The following EHBP1L1 variants were observed in gnomAD, a reference collection of about 807,000 sequenced individuals.
EHBP1L1 encodes the protein EH domain binding protein 1 like 1.
A neutral mutation model predicts 151.1 loss-of-function variants in EHBP1L1; 122 were observed. The observed-to-expected ratio is 0.81, with a 90% CI of 0.70 to 0.94. The LOEUF (loss-of-function observed/expected upper bound fraction) is 0.94. Ranked by LOEUF, EHBP1L1 falls within the 40% of genes least tolerant of loss-of-function variation. The pLI is 0.00. For missense variants in EHBP1L1, 1,941 were observed against 1,959.8 expected (o/e 0.99, Z 0.18); for synonymous variants, 878 against 810.1 (o/e 1.08, Z -1.42).
chr11:65,584,236 C>T lies in EHBP1L1; in HGVS notation c.3094-5C>T. ...CATTCCCTAAGCCCACCCCTGTGTC[C>T]TCAGGCACCACCTGCCCTGGTCAGC... On this transcript the variant is annotated splice_region_variant and splice_polypyrimidine_tract_variant and intron_variant, in intron 9 of 18. Transcript: ENST00000309295. The T allele has an allele frequency of 6.2e-7, 1 of 1,606,316 alleles. No individual in the cohort carries two copies. The highest frequency in any genetic ancestry group is 8.5e-7 in the Non-Finnish European group (1 of 1,177,622).
At chr11:65,581,166 C>T (rs371428479) in intron 7 of EHBP1L1, 40 bp downstream of exon 7, 2 of 1,611,718 alleles carry the variant, frequency 1.2e-6, no homozygotes, top group Non-Finnish European at 1.7e-6. Flanking sequence ...GACTGGACCC[C>T]AGGTCACTGG....
rs373275794 is a variant in EHBP1L1 at position 65,579,119 on chromosome 11, G to T, written c.146G>T (p.Arg49Leu). The T allele has an allele frequency of 6.3e-7, 1 of 1,595,098 alleles. No individual in the cohort carries two copies. The highest frequency in any genetic ancestry group is 1.1e-5 in the South Asian group (1 of 87,762). The change falls in exon 2 of 19, where the codon CGA (arginine) becomes CTA (leucine). Residue 49 changes from arginine to leucine, a missense_variant. Arg to Leu is a moderately radical substitution (Grantham distance 102). Transcript: ENST00000309295. ...KLVVVWTRRNRRICSKAHSWQ... is the reference protein window; with the variant it reads ...KLVVVWTRRNLRICSKAHSWQ... ...GTGGTGGTATGGACCCGTCGGAACC[G>T]ACGCATCTGCTCCAAGGTGGGGAAG...
In EHBP1L1 at chr11:65,576,156, G is replaced by A. The variant is rs991732938; in HGVS notation, c.-147G>A. On this transcript the variant is annotated 5_prime_UTR_variant, in exon 1 of 19. Coordinates refer to ENST00000309295, the MANE Select transcript of EHBP1L1 (RefSeq NM_001099409.3). Reference sequence around the variant, plus strand: ...TGCGGGCCCCAGCGGCGGCAGCGGAGAGCGCGGTCCCGGGTCGGAGCCTGG... The same window carrying A: ...TGCGGGCCCCAGCGGCGGCAGCGGAAAGCGCGGTCCCGGGTCGGAGCCTGG... The A allele has an allele frequency of 1.5e-5, 8 of 537,006 alleles. No individual in the cohort carries two copies. Among genetic ancestry groups the A allele is most frequent in the Non-Finnish European group, 2.3e-5 (8 of 354,744 alleles). The allele number at this position is 537,006 out of a possible 1,614,324, so 33.3% of individuals were successfully genotyped here.
rs2135294580 is a variant in EHBP1L1, at chr11:65,585,328, G to A, written c.3670G>A (p.Glu1224Lys). 9.2e-7 allele frequency: 1 copy of A among 1,089,534 alleles called. No homozygotes were observed. The highest frequency in any genetic ancestry group is 1.1e-6 in the Non-Finnish European group (1 of 897,104). The allele number at this position is 1,089,534 out of a possible 1,614,324, so 67.5% of individuals were successfully genotyped here. Residue 1224 changes from glutamate to lysine, a missense_variant, in exon 12 of 19, where the codon GAG becomes AAG. Physicochemically the swap from Glu to Lys is moderately conservative, Grantham distance 56. Transcript: ENST00000309295. The surrounding 1 kb of genome is among the most constrained non-coding windows in gnomAD (Gnocchi z 4.0). ...AGRASKDGGA[E>K]APRESRPAEV... is the part of the protein sequence containing the mutation. ...CCGCGCCTCCAAGGACGGCGGGGCCGAGGCCCCCCGAGAGTCGCGACCCGC... is the reference window on the plus strand; with the variant it reads ...CCGCGCCTCCAAGGACGGCGGGGCCAAGGCCCCCCGAGAGTCGCGACCCGC...
chr11:65,591,765 C>G (rs1467827076), intron 16 of EHBP1L1, 35 bp from the exon 17 acceptor site: 1 of 923,212 alleles, frequency 1.1e-6, no homozygotes, highest in Non-Finnish European at 1.7e-6. Flanking sequence ...CCTGAACTGC[C>G]ACCCCCCCGC....
At chr11:65,580,316 C>A in intron 5 of EHBP1L1, 21 bp from the exon 6 acceptor site, 1 of 1,613,608 alleles carries the variant, frequency 6.2e-7, no homozygotes, top group Non-Finnish European at 8.5e-7. Flanking sequence ...TCCACCCTCA[C>A]CTTTAACCTC....
intron 3 of EHBP1L1, 130 bp downstream of exon 3, chr11:65,579,566 G>C: frequency 1.4e-6 from 1 of 718,248 alleles, no homozygotes; most frequent in Non-Finnish European, 2.2e-6. Context: ...AAGAATTAGG[G>C]GGGCCTGCTC....
At position 65,585,078 on chromosome 11, in the gene EHBP1L1, C is replaced by A. The variant is rs1857874082; in HGVS notation, c.3420C>A (p.Phe1140Leu). 3 of 1,540,762 alleles carry A rather than the reference C, an allele frequency of 1.9e-6. No homozygotes were observed. The highest frequency in any genetic ancestry group is 1.4e-5 in the African/African-American group (1 of 72,578). ...CGTACCTGTGCCAGATCCGCGCCTT[C>A]TGCACCGGGCAGGAGCTGCAGCTGG... ...VMTYLCQIRAFCTGQELQLVQ... is the reference protein window; with the variant it reads ...VMTYLCQIRALCTGQELQLVQ... The change falls in exon 12 of 19, where the codon TTC (phenylalanine) becomes TTA (leucine). Residue 1140 changes from phenylalanine to leucine, a missense_variant. Physicochemically the swap from Phe to Leu is conservative, Grantham distance 22 (BLOSUM62 0). Coordinates refer to ENST00000309295, the MANE Select transcript of EHBP1L1 (RefSeq NM_001099409.3). The surrounding 1 kb of genome is among the most constrained non-coding windows in gnomAD (Gnocchi z 4.0).
At chr11:65,586,118 C>G (rs1023117719) in intron 12 of EHBP1L1, among the ~76,000 whole-genome samples, 3 of 152,234 alleles carry the variant, frequency 2.0e-5, no homozygotes, top group African/African-American at 7.2e-5. Context: ...CTCTGGCGTA[C>G]ATCTTTAACC....
intron 12 of EHBP1L1, among the ~76,000 whole-genome samples, chr11:65,588,087 C>T (rs1858067913): frequency 1.3e-5 from 2 of 151,974 alleles, no homozygotes; most frequent in South Asian, 4.1e-4. Context: ...ATGGGGGAGG[C>T]CATGGGAGCA....
chr11:65,577,433 C>T (rs972887736), intron 1 of EHBP1L1, among the ~76,000 whole-genome samples: 2 of 152,222 alleles, frequency 1.3e-5, no homozygotes, highest in Non-Finnish European at 2.9e-5. Flanking sequence ...TGGGGGCTGG[C>T]ACTTGAACTC....
Position 65,585,556 on chromosome 11 carries a change from G to A in EHBP1L1, c.3898G>A (p.Asp1300Asn), listed in dbSNP as rs1179363356. Residue 1300 changes from aspartate to asparagine, a missense_variant, in exon 12 of 19, where the codon GAT becomes AAT. Coordinates refer to ENST00000309295, the MANE Select transcript of EHBP1L1 (RefSeq NM_001099409.3). The surrounding 1 kb of genome is among the most constrained non-coding windows in gnomAD (Gnocchi z 4.0). ...LRNSSSFSMDDPDAGAMGAAA... is the reference protein window; with the variant it reads ...LRNSSSFSMDNPDAGAMGAAA... Reference sequence around the variant, plus strand: ...GAACAGCAGCTCGTTCTCGATGGACGATCCGGACGCGGGAGCCATGGGAGC... The same window carrying A: ...GAACAGCAGCTCGTTCTCGATGGACAATCCGGACGCGGGAGCCATGGGAGC... 4 of 1,582,838 alleles carry A rather than the reference G, an allele frequency of 2.5e-6. No individual in the cohort carries two copies. In the African/African-American group the frequency reaches 4.0e-5, roughly 16 times the overall value.
rs541419920 is a variant in EHBP1L1 at position 65,582,157 on chromosome 11, C to T, written c.1485C>T (p.Leu495=). ...GGCACTCTGGGCAACTTGGTGACCTCGAGGGGGCCAGGGCTGCTGCAGGCC... is the reference window on the plus strand; with the variant it reads ...GGCACTCTGGGCAACTTGGTGACCTTGAGGGGGCCAGGGCTGCTGCAGGCC... ...PAGHSGQLGD[L]EGARAAAGQE... is the part of the protein sequence containing the mutation. The change falls in exon 9 of 19, where the codon CTC becomes CTT. Residue 495 remains leucine, a synonymous_variant. Coordinates refer to ENST00000309295, the MANE Select transcript of EHBP1L1 (RefSeq NM_001099409.3). The T allele has an allele frequency of 1.6e-5, 26 of 1,583,302 alleles. No homozygotes were observed. Among genetic ancestry groups the T allele is most frequent in the Middle Eastern group, 1.7e-4 (1 of 5,872 alleles).
Position 65,589,926 on chromosome 11 carries a change from C to G in EHBP1L1, c.4004-10C>G. On this transcript the variant is annotated splice_polypyrimidine_tract_variant and intron_variant, in intron 13 of 18. Transcript: ENST00000309295. ...GTTAGGGGGTGCCTTATCATCATCTCTGTCTGCAGGTGGGAGTTCCCCCTC... is the reference window on the plus strand; with the variant it reads ...GTTAGGGGGTGCCTTATCATCATCTGTGTCTGCAGGTGGGAGTTCCCCCTC... 6.4e-7 allele frequency: 1 copy of G among 1,554,148 alleles called. No homozygotes were observed. The highest frequency in any genetic ancestry group is 8.7e-7 in the Non-Finnish European group (1 of 1,146,514).
chr11:65,585,318 C>T lies in EHBP1L1; in HGVS notation c.3660C>T (p.Asp1220=). 5.5e-6 allele frequency: 6 copies of T among 1,083,756 alleles called. No individual in the cohort carries two copies. The highest frequency in any genetic ancestry group is 6.7e-6 in the Non-Finnish European group (6 of 893,410). 67.1% of individuals were successfully genotyped at this position (1,083,756 alleles called of 1,614,324 possible). A position where few individuals can be genotyped will look rare whatever the true frequency, so the allele number is the denominator to read the frequency against. The change falls in exon 12 of 19, where the codon GAC becomes GAT. Residue 1220 remains aspartate (D), a synonymous_variant. Coordinates refer to ENST00000309295, the MANE Select transcript of EHBP1L1 (RefSeq NM_001099409.3). This position sits in a 1 kb window ranked among gnomAD's most constrained non-coding sequence, Gnocchi z 4.0. ...RNAVAGRASK[D]GGAEAPRESR... ...CGGTCGCGGGCCGCGCCTCCAAGGA[C>T]GGCGGGGCCGAGGCCCCCCGAGAGT...
intron 12 of EHBP1L1, among the ~76,000 whole-genome samples, chr11:65,589,366 A>G (rs1419850224): frequency 6.6e-6 from 1 of 152,194 alleles, no homozygotes; most frequent in Non-Finnish European, 1.5e-5. Flanking sequence ...CACTCCAGCC[A>G]GGGCGACAGA....
In EHBP1L1 at chr11:65,590,551, G is replaced by T. The variant is rs375699780; in HGVS notation, c.4242G>T (p.Lys1414Asn). The change falls in exon 16 of 19, where the codon AAG (lysine) becomes AAT (asparagine). Residue 1414 changes from lysine to asparagine, a missense_variant. Transcript: ENST00000309295. ...LIQEWFTLVN[K>N]KNALIRRQDQ... ...AGGAGTGGTTCACCCTGGTCAACAAGAAGAACGCTCTCATCCGGAGGCAGG... is the reference window on the plus strand; with the variant it reads ...AGGAGTGGTTCACCCTGGTCAACAATAAGAACGCTCTCATCCGGAGGCAGG... 2.5e-6 allele frequency: 4 copies of T among 1,613,604 alleles called. No homozygotes were observed. In the African/African-American group the frequency reaches 4.0e-5, roughly 16 times the overall value.
At chr11:65,584,663 C>G in intron 11 of EHBP1L1, 129 bp downstream of exon 11, 1 of 1,239,820 alleles carries the variant, frequency 8.1e-7, no homozygotes, top group Non-Finnish European at 1.1e-6. Context: ...CTTTTTACCC[C>G]TTTGGTCATT....
chr11:65,589,960 C>T lies in EHBP1L1; in HGVS notation c.4028C>T (p.Pro1343Leu). The stretch of plus-strand genomic sequence containing the variant: ...GGTGGGAGTTCCCCCTCGGAGGAAC[C>T]ACCCCCAAGCCCAGGGGAGGAGGCT... ...PPGGSSPSEEPPPSPGEEAGL... is the reference protein window; with the variant it reads ...PPGGSSPSEELPPSPGEEAGL... Residue 1343 changes from proline (P) to leucine (L), a missense_variant, in exon 14 of 19, where the codon CCA (proline) becomes CTA (leucine). Coordinates refer to ENST00000309295, the MANE Select transcript of EHBP1L1 (RefSeq NM_001099409.3). 1 of 1,578,940 alleles carries T rather than the reference C, an allele frequency of 6.3e-7. No homozygotes were observed.
Sources: gnomAD v4.1 joint callset for allele counts (sites outside exome capture counted in the v4.1 genomes callset) on GRCh38, gnomAD v4.1.1 for gene constraint, Gnocchi (gnomAD v3.1) non-coding constraint, MANE v1.5 for transcripts, NCBI Gene and HGNC (gene_info 2026-07-23, HGNC 2026-07-21) for gene names.